Variants in GFPT2 observed in about 807,000 individuals in gnomAD.
GFPT2 encodes the protein glutamine--fructose-6-phosphate transaminase 2, also known as glutamine--fructose-6-phosphate aminotransferase [isomerizing] 2.
GFPT2 carries 62 observed loss-of-function variants against 85.6 expected under a neutral mutation model. That is an observed-to-expected ratio of 0.72 (90% confidence interval 0.59 to 0.90). The LOEUF (loss-of-function observed/expected upper bound fraction) is 0.90, where lower values mean the gene tolerates loss of function less well. Among genes scored for constraint, GFPT2 ranks in the 40% least tolerant of loss-of-function variants. The probability of loss-of-function intolerance (pLI) is 0.00; values close to 1 mark genes in which losing one functional copy is unlikely to be tolerated. For missense variants in GFPT2, 788 were observed against 893.4 expected (o/e 0.88, Z 1.50); for synonymous variants, 368 against 344.5 (o/e 1.07, Z -0.75).
At position 180,353,271 on chromosome 5, in the gene GFPT2, G is replaced by C. The variant is rs556069642; in HGVS notation, c.-54C>G. 4.9e-5 allele frequency: 61 copies of C among 1,235,526 alleles called. No homozygotes were observed. The highest frequency in any genetic ancestry group is 2.5e-4 in the Middle Eastern group (1 of 3,950). 76.5% of individuals were successfully genotyped at this position (1,235,526 alleles called of 1,614,324 possible). On this transcript the variant is annotated 5_prime_UTR_variant, in exon 1 of 19. Coordinates refer to ENST00000253778, the MANE Select transcript of GFPT2 (RefSeq NM_005110.4). ...CTCGAGGGGGTCTGCCCGTTCGGAC[G>C]CTGGGGCTCCTCCGTGGGCTCCTCC...
intron 8 of GFPT2, 199 bp downstream of exon 8, chr5:180,324,617 G>A: frequency 1.7e-6 from 1 of 594,576 alleles, no homozygotes; most frequent in Non-Finnish European, 3.0e-6. Flanking sequence ...ATAAATTCAT[G>A]TCCATGATAA....
intron 9 of GFPT2, among the ~76,000 whole-genome samples, chr5:180,322,524 C>T (rs1247166036): frequency 1.3e-5 from 2 of 152,262 alleles, no homozygotes; most frequent in Non-Finnish European, 1.5e-5. Flanking sequence ...TGCCTGGTCA[C>T]GTGAGGTGAC....
At chr5:180,307,769 C>T (rs1316380677) in intron 15 of GFPT2, among the ~76,000 whole-genome samples, 3 of 152,204 alleles carry the variant, frequency 2.0e-5, no homozygotes, top group African/African-American at 7.2e-5. Flanking sequence ...TGCACATCCC[C>T]AAGAGCCTTT....
intron 16 of GFPT2, among the ~76,000 whole-genome samples, chr5:180,306,624 T>C (rs568262405): frequency 1.2e-4 from 18 of 152,226 alleles, no homozygotes; most frequent in African/African-American, 4.3e-4. Context: ...AAGCAAGGCC[T>C]TCGAAGTTAA....
At chr5:180,348,463 G>A (rs114679193) in intron 1 of GFPT2, among the ~76,000 whole-genome samples, 2,352 of 152,320 alleles carry the variant, frequency 0.015, 39 homozygotes, top group Admixed American at 0.031. Flanking sequence ...CCTCCTTGCA[G>A]AAACAAGATC....
intron 13 of GFPT2, among the ~76,000 whole-genome samples, chr5:180,315,171 TTTTC>T (rs984870033): frequency 4.0e-5 from 6 of 151,490 alleles, no homozygotes; most frequent in Non-Finnish European, 5.9e-5. Flanking sequence ...GGTCATACGT[TTTTC>T]TTTTTCTTTT....
At chr5:180,319,036 G>A (rs141324280) in intron 9 of GFPT2, 80 bp from the exon 10 acceptor site, 17,776 of 1,362,826 alleles carry the variant, frequency 0.013, 132 homozygotes, top group Non-Finnish European at 0.015. Flanking sequence ...GTTCCCAAGC[G>A]TGGAGGCCAC....
In GFPT2 at chr5:180,318,967, G is replaced by A. The variant is rs200714781; in HGVS notation, c.795-11C>T. On this transcript the variant is annotated splice_polypyrimidine_tract_variant and intron_variant, in intron 9 of 18. Coordinates refer to ENST00000253778, the MANE Select transcript of GFPT2 (RefSeq NM_005110.4). This position sits in a 1 kb window ranked among gnomAD's most constrained non-coding sequence, Gnocchi z 4.2. ...TGCTCTATGATAGCGCTGGGGCAAGGGAAACAGGCATCATCAGTGCCCTGC... is the reference window on the plus strand; with the variant it reads ...TGCTCTATGATAGCGCTGGGGCAAGAGAAACAGGCATCATCAGTGCCCTGC... 2.0e-4 allele frequency: 317 copies of A among 1,610,634 alleles called. 1 individual carries two copies. The African/African-American group carries it at 3.9e-3, about 20-fold the overall frequency.
chr5:180,329,771 G>C (rs1291884383), intron 6 of GFPT2, among the ~76,000 whole-genome samples: 1 of 152,228 alleles, frequency 6.6e-6, no homozygotes, highest in African/African-American at 2.4e-5. Flanking sequence ...GCTACTGGGT[G>C]GCACTGCTGT....
intron 5 of GFPT2, chr5:180,331,062 T>C (rs1764291786): frequency 1.8e-6 from 1 of 553,530 alleles, no homozygotes. Flanking sequence ...GCCACTAATC[T>C]GGACATTGCA....
chr5:180,340,190 TTTTTTGTTTTTG>T (rs1764484264), intron 1 of GFPT2, among the ~76,000 whole-genome samples: 1 of 151,910 alleles, frequency 6.6e-6, no homozygotes, highest in African/African-American at 2.4e-5. Flanking sequence ...GGAGGTTTTT[TTTTTTGTTTTTG>T]TTTTTGTTGT....
In GFPT2 at chr5:180,321,989, G is replaced by A. The variant is rs553425462; in HGVS notation, c.794+2199C>T. On this transcript the variant is annotated intron_variant, in intron 9 of 18. Coordinates refer to ENST00000253778, the MANE Select transcript of GFPT2 (RefSeq NM_005110.4). The stretch of plus-strand genomic sequence containing the variant: ...TTTTTAGTAGAAACCGGGTTTCACC[G>A]TGTTGGCCAGGATGGTCTCGATCTC... Among the ~76,000 whole-genome samples the A allele has an allele frequency of 1.1e-3, 172 of 151,572 alleles. No homozygotes were observed. In the Middle Eastern group the frequency reaches 0.017, roughly 15 times the overall value.
At chr5:180,316,720 C>T (rs759108374) in intron 12 of GFPT2, 44 bp downstream of exon 12, 1 of 1,386,112 alleles carries the variant, frequency 7.2e-7, no homozygotes, top group Non-Finnish European at 1.0e-6. Context: ...AGTGTCTGGT[C>T]CTAGACTGCC....
At chr5:180,340,488 G>T (rs1284466960) in intron 1 of GFPT2, among the ~76,000 whole-genome samples, 1 of 149,594 alleles carries the variant, frequency 6.7e-6, no homozygotes, top group Non-Finnish European at 1.5e-5. Context: ...TTACAGGCGT[G>T]AGCCACCCTG....
At chr5:180,311,080 TG>T (rs1353065469) in intron 15 of GFPT2, among the ~76,000 whole-genome samples, 1 of 152,190 alleles carries the variant, frequency 6.6e-6, no homozygotes, top group Non-Finnish European at 1.5e-5. Flanking sequence ...CCCGAGGGCC[TG>T]GAATTGACCA....
At chr5:180,325,922 G>A (rs1764203616) in intron 7 of GFPT2, among the ~76,000 whole-genome samples, 1 of 152,202 alleles carries the variant, frequency 6.6e-6, no homozygotes, top group African/African-American at 2.4e-5. Context: ...CTACTCTGGA[G>A]GCTGAGACAA....
At chr5:180,305,548 AG>A (rs1376551521) in intron 16 of GFPT2, among the ~76,000 whole-genome samples, 1 of 152,210 alleles carries the variant, frequency 6.6e-6, no homozygotes, top group African/African-American at 2.4e-5. Context: ...GATTTAGGTC[AG>A]GGCCACACTG....
intron 16 of GFPT2, among the ~76,000 whole-genome samples, chr5:180,306,185 A>G (rs1465701425): frequency 6.6e-6 from 1 of 151,894 alleles, no homozygotes; most frequent in African/African-American, 2.4e-5. Context: ...GGCTTTTACC[A>G]TGTTGTCCAG....
intron 16 of GFPT2, among the ~76,000 whole-genome samples, chr5:180,306,678 C>T (rs554113715): frequency 6.6e-6 from 1 of 152,146 alleles, no homozygotes; most frequent in East Asian, 1.9e-4. Flanking sequence ...TGAGGGGTAA[C>T]AAGGAAACTC....
Sources: gnomAD v4.1 joint callset for allele counts (sites outside exome capture counted in the v4.1 genomes callset) on GRCh38, gnomAD v4.1.1 for gene constraint, Gnocchi (gnomAD v3.1) non-coding constraint, MANE v1.5 for transcripts, NCBI Gene and HGNC (gene_info 2026-07-23, HGNC 2026-07-21) for gene names.